Variants in KCNMA1 observed in about 807,000 individuals in gnomAD.
KCNMA1 encodes the protein Calcium-activated potassium channel subunit alpha-1.
Under a neutral mutation model 140.0 loss-of-function variants are expected in KCNMA1, and 29 were observed. That is an observed-to-expected ratio of 0.21 (90% CI 0.15 to 0.28). The LOEUF is 0.28. KCNMA1 is among the 10% of genes least tolerant of loss of function. KCNMA1 has a pLI of 1.00. For missense variants in KCNMA1, 880 were observed against 1,602.2 expected (o/e 0.55, Z 7.70); for synonymous variants, 612 against 611.9 (o/e 1.00, Z 0.00).
At chr10:76,963,709 C>T (rs1307593683) in intron 20 of KCNMA1, among the ~76,000 whole-genome samples, 2 of 152,224 alleles carry the variant, frequency 1.3e-5, no homozygotes, top group Admixed American at 1.3e-4. Flanking sequence ...CTCTCTCTTG[C>T]TGACTTCTCT....
chr10:77,448,437 G>A (rs887705878), intron 1 of KCNMA1, among the ~76,000 whole-genome samples: 1 of 152,174 alleles, frequency 6.6e-6, no homozygotes, highest in Admixed American at 6.5e-5. Flanking sequence ...GCCTGCCACC[G>A]GCCAGGCCTC....
chr10:77,593,827 G>A (rs916056773), intron 1 of KCNMA1, among the ~76,000 whole-genome samples: 1 of 152,152 alleles, frequency 6.6e-6, no homozygotes, highest in Non-Finnish European at 1.5e-5. Context: ...TTTTGACCAG[G>A]TTAGTTCAAG....
chr10:77,510,629 C>CA (rs71305691), intron 1 of KCNMA1, among the ~76,000 whole-genome samples: 37,840 of 140,176 alleles, frequency 0.27, 4,800 homozygotes, highest in Admixed American at 0.32. Flanking sequence ...CCTGTCTCTA[C>CA]AAAAAAAAAA....
intron 1 of KCNMA1, among the ~76,000 whole-genome samples, chr10:77,537,766 C>T (rs946251207): frequency 1.3e-5 from 2 of 151,548 alleles, no homozygotes; most frequent in Admixed American, 6.6e-5. Context: ...TCGGTGGCAC[C>T]GCTGGCCCCA....
chr10:77,345,869 AG>A (rs1246618740), intron 2 of KCNMA1, among the ~76,000 whole-genome samples: 1 of 152,172 alleles, frequency 6.6e-6, no homozygotes, highest in Non-Finnish European at 1.5e-5. Context: ...TAAATGAATG[AG>A]GGATCCCCAT....
chr10:77,624,944 G>A (rs572831150), intron 1 of KCNMA1, among the ~76,000 whole-genome samples: 30 of 152,104 alleles, frequency 2.0e-4, no homozygotes, highest in South Asian at 2.1e-4. Flanking sequence ...GCTGCCCACC[G>A]AGAAAACAAG....
At chr10:77,222,416 C>G (rs544370700) in intron 3 of KCNMA1, among the ~76,000 whole-genome samples, 1 of 152,272 alleles carries the variant, frequency 6.6e-6, no homozygotes, top group East Asian at 1.9e-4. Context: ...ATAAGCAAAG[C>G]CTAAACATTT....
At chr10:76,934,617 A>G (rs2060062616) in intron 23 of KCNMA1, among the ~76,000 whole-genome samples, 1 of 152,228 alleles carries the variant, frequency 6.6e-6, no homozygotes, top group African/African-American at 2.4e-5. Flanking sequence ...CTATGACAGC[A>G]TAGACTATGG....
rs888679009 is a variant in KCNMA1, at chr10:77,300,009, T to C, written c.541-48753A>G. ...GTCAGTGTGGCTTCTCTCCCTGGGC[T>C]GGGCTCCATCAGCTCATGCTGAGCC... On this transcript the variant is annotated intron_variant, in intron 2 of 27. Transcript: ENST00000286628. 2.0e-5 allele frequency among the ~76,000 whole-genome samples: 3 copies of C among 152,238 alleles called. No individual in the cohort carries two copies. The East Asian group carries it at 5.8e-4, about 29-fold the overall frequency.
chr10:76,892,925 A>C (rs558124505), intron 25 of KCNMA1, among the ~76,000 whole-genome samples: 1 of 152,354 alleles, frequency 6.6e-6, no homozygotes, highest in East Asian at 1.9e-4. Context: ...ATTGTGATAC[A>C]AAATTCCAAC....
chr10:77,384,838 A>C (rs2095546509), intron 2 of KCNMA1, among the ~76,000 whole-genome samples: 1 of 152,220 alleles, frequency 6.6e-6, no homozygotes, highest in Non-Finnish European at 1.5e-5. Flanking sequence ...CTTCCCATTC[A>C]TTCATTCTTT....
At chr10:77,161,147 GAAAT>G (rs985163377) in intron 5 of KCNMA1, among the ~76,000 whole-genome samples, 2 of 152,300 alleles carry the variant, frequency 1.3e-5, no homozygotes, top group South Asian at 2.1e-4. Flanking sequence ...GTGGGATAAG[GAAAT>G]AAATAACAGC....
intron 2 of KCNMA1, among the ~76,000 whole-genome samples, chr10:77,383,030 T>TATA (rs1566451029): frequency 2.9e-4 from 30 of 102,956 alleles, no homozygotes; most frequent in African/African-American, 9.5e-4. Context: ...ATATATATAT[T>TATA]CCAAGTGGAG....
chr10:77,248,343 A>G (rs77104114), intron 3 of KCNMA1, among the ~76,000 whole-genome samples: 4,305 of 152,234 alleles, frequency 0.028, 211 homozygotes, highest in East Asian at 0.22. Flanking sequence ...GTGCTACAGG[A>G]TAGTCCTCAG....
chr10:77,024,295 C>CAA (rs2093181300), intron 16 of KCNMA1, among the ~76,000 whole-genome samples: 1 of 151,950 alleles, frequency 6.6e-6, no homozygotes. Flanking sequence ...ATCAATAATA[C>CAA]CAAACTGACA....
intron 2 of KCNMA1, among the ~76,000 whole-genome samples, chr10:77,296,382 C>T (rs1192850744): frequency 6.6e-6 from 1 of 152,134 alleles, no homozygotes; most frequent in Non-Finnish European, 1.5e-5. Context: ...GACTTTAGCC[C>T]AGTGAGATGA....
intron 1 of KCNMA1, among the ~76,000 whole-genome samples, chr10:77,472,196 C>T (rs2098175888): frequency 6.6e-6 from 1 of 151,628 alleles, no homozygotes; most frequent in African/African-American, 2.4e-5. Context: ...CACACAAATA[C>T]ACCACACACA....
chr10:77,603,519 G>C (rs1298349839), intron 1 of KCNMA1, among the ~76,000 whole-genome samples: 1 of 152,188 alleles, frequency 6.6e-6, no homozygotes, highest in Admixed American at 6.5e-5. Context: ...TCATAAGCAG[G>C]GAAGGAGAGG....
chr10:77,532,691 A>G, intron 1 of KCNMA1, among the ~76,000 whole-genome samples: 1 of 152,240 alleles, frequency 6.6e-6, no homozygotes, highest in East Asian at 1.9e-4. Flanking sequence ...TGGTAATTAA[A>G]TGATTTACAG....
Sources: gnomAD v4.1 joint callset for allele counts (sites outside exome capture counted in the v4.1 genomes callset) on GRCh38, gnomAD v4.1.1 for gene constraint, MANE v1.5 for transcripts, NCBI Gene and HGNC (gene_info 2026-07-23, HGNC 2026-07-21) for gene names.